WDFY4: variants seen among roughly 807,000 people sequenced by gnomAD.
WDFY4 encodes the protein WD repeat- and FYVE domain-containing protein 4.
WDFY4 carries 169 observed loss-of-function variants against 351.9 expected under a neutral mutation model. The ratio of observed to expected loss-of-function variants is 0.48; its 90% CI spans 0.42 to 0.55. The LOEUF (loss-of-function observed/expected upper bound fraction) is 0.55. Among genes scored for constraint, WDFY4 ranks in the 20% least tolerant of loss-of-function variants. The pLI, the probability that WDFY4 is intolerant of heterozygous loss-of-function variation, is 0.00. For missense variants in WDFY4, 3,803 were observed against 3,935.6 expected (o/e 0.97, Z 0.90); for synonymous variants, 1,622 against 1,574.6 (o/e 1.03, Z -0.71).
chr10:48,950,769 A>T (rs1346496395), intron 51 of WDFY4, among the ~76,000 whole-genome samples: 1 of 152,220 alleles, frequency 6.6e-6, no homozygotes, highest in African/African-American at 2.4e-5. Flanking sequence ...GCAGCATCAC[A>T]CACAGGTGCA....
rs2131830463 is a variant in WDFY4, at chr10:48,969,150, G to A, written c.8671G>A (p.Glu2891Lys). ...VSTEKTILAV[E>K]RNKVLLPPLW... Reference sequence around the variant, plus strand: ...TACTGAGAAGACCATTCTGGCTGTAGAGAGGAACAAAGTGCTGCTGCCTCC... The same window carrying A: ...TACTGAGAAGACCATTCTGGCTGTAAAGAGGAACAAAGTGCTGCTGCCTCC... Residue 2891 changes from glutamate to lysine, a missense_variant, in exon 56 of 62, where the codon GAG (glutamate) becomes AAG (lysine). By Grantham distance (56) the Glu-to-Lys change is moderately conservative. Around this residue, in one of 3 missense-constraint regions of WDFY4, gnomAD observed 3,054 missense variants for 3,148.6 expected, o/e 0.97. Coordinates refer to ENST00000325239, the MANE Select transcript of WDFY4 (RefSeq NM_001394531.1). 1.3e-6 allele frequency: 2 copies of A among 1,551,796 alleles called. No individual in the cohort carries two copies. The highest frequency in any genetic ancestry group is 4.9e-5 in the East Asian group (2 of 40,926).
chr10:48,914,000 C>G (rs1838261851), intron 47 of WDFY4: 1 of 1,614,180 alleles, frequency 6.2e-7, no homozygotes, highest in Non-Finnish European at 8.5e-7. Context: ...CCAGCTCGTC[C>G]ATGTCACTAA....
At chr10:48,709,665 A>G in intron 1 of WDFY4, 51 bp from the exon 2 acceptor site, 2 of 1,478,794 alleles carry the variant, frequency 1.4e-6, no homozygotes, top group African/African-American at 1.4e-5. Context: ...AGCCAGAATC[A>G]TCAGGAAGTG....
intron 59 of WDFY4, among the ~76,000 whole-genome samples, chr10:48,977,397 C>T (rs112178557): frequency 0.037 from 5,681 of 152,186 alleles, 124 homozygotes; most frequent in Middle Eastern, 0.1. Flanking sequence ...ATCCATCCAC[C>T]CATCCATCTC....
chr10:48,969,640 C>G (rs1310326128), intron 56 of WDFY4, among the ~76,000 whole-genome samples: 1 of 152,170 alleles, frequency 6.6e-6, no homozygotes, highest in Non-Finnish European at 1.5e-5. Flanking sequence ...AGCTGTTTCC[C>G]TACTGGTCCT....
chr10:48,860,702 A>G (rs1264082008), intron 39 of WDFY4, among the ~76,000 whole-genome samples: 1 of 152,222 alleles, frequency 6.6e-6, no homozygotes, highest in Non-Finnish European at 1.5e-5. Flanking sequence ...GCTACATAAA[A>G]CAAATTTTGA....
At chr10:48,724,935 C>T (rs1004966791) in intron 5 of WDFY4, among the ~76,000 whole-genome samples, 6 of 152,148 alleles carry the variant, frequency 3.9e-5, no homozygotes, top group African/African-American at 1.4e-4. Context: ...ATGATGGTGA[C>T]AGGCTTTTAT....
Position 48,946,147 on chromosome 10 carries a change from G to C in WDFY4, c.7857G>C (p.Glu2619Asp). ...TTATCCAGAGGTTTAAAGAAGTTGA[G>C]AAAACTGAAGGTGAGTAGATCCAGC... is the stretch of plus-strand genomic sequence containing the variant. ...LKFIQRFKEV[E>D]KTEGDMTVQC... The change falls in exon 50 of 62, where the codon GAG becomes GAC. Residue 2619 changes from glutamate to aspartate, a missense_variant. By Grantham distance (45) the Glu-to-Asp change is conservative. Coordinates refer to ENST00000325239, the MANE Select transcript of WDFY4 (RefSeq NM_001394531.1). The C allele has an allele frequency of 6.5e-7, 1 of 1,548,764 alleles. No individual in the cohort carries two copies. The highest frequency in any genetic ancestry group is 8.7e-7 in the Non-Finnish European group (1 of 1,145,766).
At position 48,978,326 on chromosome 10, in the gene WDFY4, T is replaced by A. The variant is rs1183971654; in HGVS notation, c.9309T>A (p.Asp3103Glu). 3 of 1,551,410 alleles carry A rather than the reference T, an allele frequency of 1.9e-6. No homozygotes were observed. Among genetic ancestry groups the A allele is most frequent in the Non-Finnish European group, 2.6e-6 (3 of 1,146,840 alleles). Residue 3103 changes from aspartate to glutamate, a missense_variant, in exon 60 of 62, where the codon GAT becomes GAA. This residue lies in a region of WDFY4 where 3,054 missense variants were observed against 3,148.6 expected (regional missense o/e 0.97). Coordinates refer to ENST00000325239, the MANE Select transcript of WDFY4 (RefSeq NM_001394531.1). ...DGMVRVWKTE[D>E]VKMSVPGRPA... ...TGGGGCAGGTTTGGAAGACTGAGGA[T>A]GTGAAGATGTCTGTTCCTGGACGGC...
chr10:48,733,077 C>T (rs10857626), intron 9 of WDFY4, among the ~76,000 whole-genome samples: 44,004 of 152,136 alleles, frequency 0.29, 7,091 homozygotes, highest in South Asian at 0.44. Context: ...GTCTTTGCAC[C>T]GTCTCTTTGT....
At chr10:48,756,992 G>A (rs2065356821) in intron 12 of WDFY4, among the ~76,000 whole-genome samples, 1 of 152,028 alleles carries the variant, frequency 6.6e-6, no homozygotes, top group Admixed American at 6.5e-5. Context: ...TTTGAAAGAA[G>A]CTGTGTAGAA....
intron 40 of WDFY4, among the ~76,000 whole-genome samples, chr10:48,868,506 G>C (rs749081365): frequency 2.0e-4 from 30 of 152,204 alleles, no homozygotes; most frequent in Non-Finnish European, 1.3e-4. Flanking sequence ...GCTGGGTAGG[G>C]TGTCTTGCTG....
intron 47 of WDFY4, chr10:48,913,602 G>T: frequency 6.2e-7 from 1 of 1,613,974 alleles, no homozygotes; most frequent in Non-Finnish European, 8.5e-7. Context: ...GAATATTTCC[G>T]ACTCACCTGG....
intron 9 of WDFY4, among the ~76,000 whole-genome samples, chr10:48,733,563 C>G (rs1026042202): frequency 1.4e-4 from 21 of 152,192 alleles, no homozygotes; most frequent in African/African-American, 5.1e-4. Context: ...TGTGTATCAT[C>G]TGGGGCAATG....
chr10:48,894,913 T>G (rs576117170), intron 44 of WDFY4, among the ~76,000 whole-genome samples: 7 of 152,262 alleles, frequency 4.6e-5, no homozygotes, highest in Middle Eastern at 3.4e-3. Context: ...GAGATCCAGA[T>G]AGAGACATTA....
At chr10:48,735,470 G>A (rs541542372) in intron 10 of WDFY4, among the ~76,000 whole-genome samples, 1 of 152,212 alleles carries the variant, frequency 6.6e-6, no homozygotes, top group Admixed American at 6.5e-5. Context: ...TCTAGTTAAA[G>A]CTTTTATTAC....
At chr10:48,955,687 G>T (rs1841553641) in intron 51 of WDFY4, among the ~76,000 whole-genome samples, 1 of 152,248 alleles carries the variant, frequency 6.6e-6, no homozygotes, top group African/African-American at 2.4e-5. Flanking sequence ...CAGCTGCTGT[G>T]AGGATTAGGA....
intron 47 of WDFY4, among the ~76,000 whole-genome samples, chr10:48,929,660 G>T (rs1839871457): frequency 1.3e-5 from 2 of 152,172 alleles, no homozygotes; most frequent in African/African-American, 2.4e-5. Flanking sequence ...TTCTTGCCCG[G>T]ACCTTGCTCC....
At chr10:48,879,246 T>A (rs1481828961) in intron 43 of WDFY4, among the ~76,000 whole-genome samples, 1 of 152,254 alleles carries the variant, frequency 6.6e-6, no homozygotes, top group Non-Finnish European at 1.5e-5. Flanking sequence ...CCCTTGCCAA[T>A]GTCTGGAGAC....
Sources: allele counts gnomAD v4.1 joint callset (sites outside exome capture counted in the v4.1 genomes callset), GRCh38; gene constraint gnomAD v4.1.1; regional missense constraint gnomAD v4.1.1; transcripts MANE v1.5; gene names NCBI Gene and HGNC (gene_info 2026-07-23, HGNC 2026-07-21).